Variants in WWOX observed in about 807,000 individuals in gnomAD.
The protein encoded by WWOX is WW domain-containing oxidoreductase.
Under a neutral mutation model 46.2 loss-of-function variants are expected in WWOX, and 69 were observed. That is an observed-to-expected ratio of 1.49 (90% confidence interval 1.23 to 1.82). The LOEUF (loss-of-function observed/expected upper bound fraction) is 1.82, where lower values mean the gene tolerates loss of function less well. Ranked by LOEUF, WWOX falls within the 40% of genes most tolerant of loss-of-function variation. The pLI is 0.00. For missense variants in WWOX, 919 were observed against 542.6 expected, an observed-to-expected ratio of 1.69 and a Z score of -6.89; for synonymous variants, 359 against 202.6, an observed-to-expected ratio of 1.77 and a Z score of -6.56.
At chr16:79,196,106 T>G (rs924204473) in intron 8 of WWOX, among the ~76,000 whole-genome samples, 5 of 152,192 alleles carry the variant, frequency 3.3e-5, no homozygotes, top group Non-Finnish European at 7.3e-5. Flanking sequence ...GCTTCGAGGT[T>G]TGGCACCTCT....
chr16:79,204,890 C>G (rs1316909009), intron 8 of WWOX: 1 of 152,210 alleles, frequency 6.6e-6, no homozygotes, highest in Non-Finnish European at 1.5e-5. Flanking sequence ...GGAGTAAGAG[C>G]CACATTCTTG....
chr16:78,749,494 G>A (rs1264139759), intron 8 of WWOX, among the ~76,000 whole-genome samples: 4 of 152,124 alleles, frequency 2.6e-5, no homozygotes, highest in Non-Finnish European at 5.9e-5. Context: ...AAATCATAAT[G>A]AAGCATTTAA....
intron 8 of WWOX, among the ~76,000 whole-genome samples, chr16:78,854,755 A>AT (rs199636053): frequency 0.044 from 6,638 of 152,048 alleles, 180 homozygotes; most frequent in Non-Finnish European, 0.063. Context: ...TACTTTTTGT[A>AT]TTTTTAGTAA....
chr16:78,883,863 A>G (rs2151218336), intron 8 of WWOX, among the ~76,000 whole-genome samples: 1 of 152,326 alleles, frequency 6.6e-6, no homozygotes, highest in East Asian at 1.9e-4. Context: ...CTAATATTCT[A>G]AACTAAAAAG....
chr16:78,230,711 A>T (rs927338409), intron 5 of WWOX, among the ~76,000 whole-genome samples: 1 of 152,226 alleles, frequency 6.6e-6, no homozygotes, highest in Non-Finnish European at 1.5e-5. Context: ...TTCTAAGGTC[A>T]GTGTGAAAGG....
intron 8 of WWOX, among the ~76,000 whole-genome samples, chr16:78,626,294 C>G (rs372145215): frequency 2.6e-5 from 4 of 152,046 alleles, no homozygotes; most frequent in Non-Finnish European, 5.9e-5. Context: ...CCACGCTCAG[C>G]TAATTTTTGC....
At chr16:78,638,745 C>T (rs994854333) in intron 8 of WWOX, among the ~76,000 whole-genome samples, 1 of 151,828 alleles carries the variant, frequency 6.6e-6, no homozygotes, top group East Asian at 1.9e-4. Flanking sequence ...CCTCAGGGTG[C>T]TCTCTCTCTC....
At chr16:78,547,147 AAAAAAAAAAAAAC>A (rs754692914) in intron 8 of WWOX, among the ~76,000 whole-genome samples, 9 of 139,320 alleles carry the variant, frequency 6.5e-5, no homozygotes, top group African/African-American at 2.3e-4. Flanking sequence ...AAAAAAAAAA[AAAAAAAAAAAAAC>A]AACTACCAGG....
At chr16:79,057,008 A>C (rs2048275193) in intron 8 of WWOX, among the ~76,000 whole-genome samples, 1 of 152,182 alleles carries the variant, frequency 6.6e-6, no homozygotes. Flanking sequence ...GTTCACTTTT[A>C]CAAATACGAA....
chr16:79,168,735 G>A (rs907856281), intron 8 of WWOX, among the ~76,000 whole-genome samples: 34 of 152,074 alleles, frequency 2.2e-4, no homozygotes, highest in African/African-American at 8.2e-4. Flanking sequence ...AAGGGGGAGG[G>A]GTAAACCAAG....
intron 8 of WWOX, among the ~76,000 whole-genome samples, chr16:78,546,304 A>G (rs1429565814): frequency 6.6e-6 from 1 of 152,166 alleles, no homozygotes; most frequent in East Asian, 1.9e-4. Flanking sequence ...CAGGCAGGAG[A>G]AGGCTTGGGA....
chr16:78,384,398 C>T (rs762788032), intron 5 of WWOX, among the ~76,000 whole-genome samples: 4 of 152,106 alleles, frequency 2.6e-5, no homozygotes, highest in Non-Finnish European at 5.9e-5. Flanking sequence ...GCATCAGCGT[C>T]TCTGTGGGGT....
intron 8 of WWOX, among the ~76,000 whole-genome samples, chr16:78,476,525 C>T (rs780963772): frequency 2.0e-5 from 3 of 151,994 alleles, no homozygotes; most frequent in Non-Finnish European, 4.4e-5. Flanking sequence ...TTAATGGGTG[C>T]AGCACACCAA....
At chr16:78,179,508 GA>G in intron 5 of WWOX, among the ~76,000 whole-genome samples, 1 of 152,078 alleles carries the variant, frequency 6.6e-6, no homozygotes, top group East Asian at 1.9e-4. Context: ...TGCAGAACAG[GA>G]ATATGGCCCC....
intron 8 of WWOX, among the ~76,000 whole-genome samples, chr16:78,763,387 A>G (rs1479877066): frequency 6.6e-6 from 1 of 152,234 alleles, no homozygotes; most frequent in African/African-American, 2.4e-5. Flanking sequence ...TCCAGAACTC[A>G]TTGAATACCT....
At chr16:79,108,257 C>T (rs932456071) in intron 8 of WWOX, among the ~76,000 whole-genome samples, 1 of 152,204 alleles carries the variant, frequency 6.6e-6, no homozygotes, top group African/African-American at 2.4e-5. Flanking sequence ...AGACTATATC[C>T]TCTGCAAAAG....
intron 4 of WWOX, 34 bp from the exon 5 acceptor site, chr16:78,164,149 T>G: frequency 6.3e-7 from 1 of 1,591,340 alleles, no homozygotes; most frequent in Non-Finnish European, 8.6e-7. Flanking sequence ...GTTGATGTTA[T>G]GTTTTCTAAC....
chr16:78,195,676 GC>G (rs1200783568), intron 5 of WWOX, among the ~76,000 whole-genome samples: 1 of 151,896 alleles, frequency 6.6e-6, no homozygotes, highest in African/African-American at 2.4e-5. Flanking sequence ...ACAAAAATTA[GC>G]CAGACATGGT....
At chr16:78,632,557 ATTTTTTT>A (rs545062752) in intron 8 of WWOX, among the ~76,000 whole-genome samples, 1 of 74,758 alleles carries the variant, frequency 1.3e-5, no homozygotes, top group Admixed American at 1.9e-4. Flanking sequence ...TACTTGGCCA[ATTTTTTT>A]TTTTTTTTTT....
Sources: allele counts gnomAD v4.1 joint callset (sites outside exome capture counted in the v4.1 genomes callset), GRCh38; gene constraint gnomAD v4.1.1; transcripts MANE v1.5; gene names NCBI Gene and HGNC (gene_info 2026-07-23, HGNC 2026-07-21).